Variants in TLK1 observed in about 807,000 individuals in gnomAD.
TLK1 encodes serine/threonine-protein kinase tousled-like 1.
Under a neutral mutation model 105.3 loss-of-function variants are expected in TLK1, and 24 were observed. The ratio of observed to expected loss-of-function variants is 0.23; its 90% CI spans 0.17 to 0.32. TLK1 has a LOEUF of 0.32. Ranked by LOEUF, TLK1 falls within the 10% of genes least tolerant of loss-of-function variation. The probability of loss-of-function intolerance (pLI) is 1.00; values close to 1 mark genes in which losing one functional copy is unlikely to be tolerated. For synonymous variants in TLK1, 321 were observed against 310.4 expected, an observed-to-expected ratio of 1.03 and a Z score of -0.36; for missense variants, 558 against 910.5, an observed-to-expected ratio of 0.61 and a Z score of 4.98.
At chr2:171,063,068 G>A (rs1051584361) in intron 3 of TLK1, among the ~76,000 whole-genome samples, 10 of 152,130 alleles carry the variant, frequency 6.6e-5, no homozygotes, top group Non-Finnish European at 1.0e-4. Context: ...TAAATCGGCC[G>A]GGTGCAGTGA....
chr2:171,216,222 A>T (rs1314787078), intron 1 of TLK1, among the ~76,000 whole-genome samples: 1 of 152,204 alleles, frequency 6.6e-6, no homozygotes, highest in African/African-American at 2.4e-5. Context: ...CACGCCTGTA[A>T]TCCCAGCACT....
chr2:171,204,900 G>C (rs1285749839), intron 1 of TLK1, among the ~76,000 whole-genome samples: 1 of 151,642 alleles, frequency 6.6e-6, no homozygotes. Context: ...GGAGGTTGCG[G>C]TCAGAGCGTG....
upstream of TLK1, among the ~76,000 whole-genome samples, chr2:171,162,492 C>T (rs1231617560): frequency 2.0e-5 from 3 of 152,106 alleles, no homozygotes; most frequent in Non-Finnish European, 2.9e-5. Flanking sequence ...AAGCCTAGAT[C>T]GCAACGTTGC....
chr2:171,015,018 T>A, intron 12 of TLK1, 70 bp from the exon 13 acceptor site: 5 of 1,186,958 alleles, frequency 4.2e-6, no homozygotes, highest in Middle Eastern at 1.9e-4. Flanking sequence ...TTTTTACCCA[T>A]GCATCAATGT....
intron 3 of TLK1, among the ~76,000 whole-genome samples, chr2:171,075,961 T>C (rs1453043988): frequency 6.6e-6 from 1 of 152,166 alleles, no homozygotes; most frequent in East Asian, 1.9e-4. Context: ...CTCTTGCCTG[T>C]AATCCCAGCA....
At chr2:171,200,590 T>G (rs1046951821) in intron 1 of TLK1, among the ~76,000 whole-genome samples, 2 of 152,064 alleles carry the variant, frequency 1.3e-5, no homozygotes, top group Non-Finnish European at 2.9e-5. Flanking sequence ...GGTGCATGCC[T>G]GTAATACCAT....
At chr2:171,124,300 A>AAGG (rs1234702961) in intron 1 of TLK1, among the ~76,000 whole-genome samples, 2 of 152,234 alleles carry the variant, frequency 1.3e-5, no homozygotes, top group African/African-American at 4.8e-5. Context: ...AAATATAGAC[A>AAGG]CTATTTTGCC....
chr2:171,056,402 T>A, intron 6 of TLK1, 69 bp downstream of exon 6: 1 of 1,290,712 alleles, frequency 7.7e-7, no homozygotes, highest in Non-Finnish European at 1.1e-6. Context: ...AAACAACAAA[T>A]TATAAAACTT....
intron 12 of TLK1, among the ~76,000 whole-genome samples, chr2:171,022,498 T>C (rs1281408710): frequency 1.3e-5 from 2 of 152,132 alleles, no homozygotes; most frequent in Non-Finnish European, 2.9e-5. Context: ...ATCACGACTT[T>C]TTCCAGTATA....
chr2:171,096,810 T>C (rs1689473070), intron 2 of TLK1, among the ~76,000 whole-genome samples: 1 of 150,886 alleles, frequency 6.6e-6, no homozygotes, highest in Admixed American at 6.6e-5. Context: ...AAATAAAAAC[T>C]ATAAAACTGT....
intron 1 of TLK1, among the ~76,000 whole-genome samples, chr2:171,222,260 G>A (rs1693822453): frequency 6.6e-6 from 1 of 152,096 alleles, no homozygotes; most frequent in Non-Finnish European, 1.5e-5. Context: ...AAACCTTTGT[G>A]GTGTTAAGTC....
intron 2 of TLK1, among the ~76,000 whole-genome samples, chr2:171,085,607 A>G (rs1688938959): frequency 6.6e-6 from 1 of 152,220 alleles, no homozygotes; most frequent in South Asian, 2.1e-4. Context: ...AGAAAATAAA[A>G]GCAAAGTGTT....
chr2:171,015,068 C>T, intron 12 of TLK1, 120 bp from the exon 13 acceptor site: 1 of 740,836 alleles, frequency 1.3e-6, no homozygotes, highest in Non-Finnish European at 2.2e-6. Context: ...TAAAGTACCA[C>T]CGAGTTAAAA....
At chr2:171,025,238 ACT>A (rs1685719056) in intron 12 of TLK1, among the ~76,000 whole-genome samples, 1 of 152,188 alleles carries the variant, frequency 6.6e-6, no homozygotes, top group East Asian at 1.9e-4. Flanking sequence ...AGGTAAATAT[ACT>A]TTTTCATATT....
chr2:171,007,435 A>C (rs1413051105), intron 14 of TLK1, among the ~76,000 whole-genome samples: 1 of 152,014 alleles, frequency 6.6e-6, no homozygotes, highest in African/African-American at 2.4e-5. Context: ...AGGTTGGATA[A>C]AACCTTTTAA....
At chr2:171,135,689 C>G (rs1294504279) in intron 1 of TLK1, among the ~76,000 whole-genome samples, 2 of 151,956 alleles carry the variant, frequency 1.3e-5, no homozygotes, top group African/African-American at 2.4e-5. Flanking sequence ...GTAATCCCAG[C>G]TACTCCAGAG....
In TLK1 at chr2:171,215,447, C is replaced by T. The variant is rs925275590; in HGVS notation, c.-6+15698G>A. 4.0e-5 allele frequency among the ~76,000 whole-genome samples: 6 copies of T among 149,014 alleles called. No homozygotes were observed. The East Asian group carries it at 7.8e-4, about 19-fold the overall frequency. ...TGAGGGAATCAAGTCTGCATTCAGGCTCTGCTGTGGCTGGAGTTAGGTCAC... is the reference window on the plus strand; with the variant it reads ...TGAGGGAATCAAGTCTGCATTCAGGTTCTGCTGTGGCTGGAGTTAGGTCAC... On this transcript the variant is annotated intron_variant, in intron 1 of 20. Coordinates refer to the TLK1 transcript ENST00000521943.
At chr2:171,135,282 C>A (rs1691260796) in intron 1 of TLK1, among the ~76,000 whole-genome samples, 3 of 151,048 alleles carry the variant, frequency 2.0e-5, no homozygotes, top group Admixed American at 2.0e-4. Context: ...TTTGTTTAAT[C>A]ATTCCACATT....
chr2:171,067,081 T>A (rs1043798651), intron 3 of TLK1: 50 of 1,109,182 alleles, frequency 4.5e-5, no homozygotes, highest in Non-Finnish European at 6.2e-5. Context: ...TGAACACGAA[T>A]CCCTAGGTCT....
Sources: gnomAD v4.1 joint callset for allele counts (sites outside exome capture counted in the v4.1 genomes callset) on GRCh38, gnomAD v4.1.1 for gene constraint, MANE v1.5 for transcripts, NCBI Gene and HGNC (gene_info 2026-07-23, HGNC 2026-07-21) for gene names.